Variants in NFIB observed in about 807,000 individuals in gnomAD.
NFIB encodes the protein nuclear factor I B.
In NFIB, 11 loss-of-function variants were observed where a neutral mutation model predicts 61.5. The observed-to-expected ratio is 0.18, with a 90% CI of 0.11 to 0.30. NFIB has a LOEUF of 0.30. NFIB is among the 10% of genes least tolerant of loss of function. The pLI, the probability that NFIB is intolerant of heterozygous loss-of-function variation, is 1.00. For missense variants in NFIB, 471 were observed against 608.9 expected (o/e 0.77, Z 2.38); for synonymous variants, 260 against 216.5 (o/e 1.20, Z -1.76).
intron 2 of NFIB, among the ~76,000 whole-genome samples, chr9:14,283,287 C>T (rs1203917078): frequency 1.3e-5 from 2 of 152,122 alleles, no homozygotes; most frequent in Admixed American, 6.6e-5. Context: ...TCTAGCAAAA[C>T]GCTTGTGTAT....
At chr9:14,180,002 A>C (rs909336910) in intron 2 of NFIB, among the ~76,000 whole-genome samples, 4 of 152,200 alleles carry the variant, frequency 2.6e-5, no homozygotes, top group Non-Finnish European at 5.9e-5. Context: ...GTATTGATCT[A>C]TAATTTTCTT....
chr9:14,312,294 C>A (rs2060316261), intron 1 of NFIB, among the ~76,000 whole-genome samples: 1 of 152,142 alleles, frequency 6.6e-6, no homozygotes, highest in Non-Finnish European at 1.5e-5. Flanking sequence ...ATTATTTGTC[C>A]ATTATAAAAA....
chr9:14,305,620 TCCAACA>T (rs2059977744), intron 2 of NFIB: 1 of 159,994 alleles, frequency 6.3e-6, no homozygotes, highest in African/African-American at 2.4e-5. Flanking sequence ...AAGTGCAATG[TCCAACA>T]CCATTATTTA....
At chr9:14,269,464 C>A (rs887714265) in intron 2 of NFIB, among the ~76,000 whole-genome samples, 1 of 152,192 alleles carries the variant, frequency 6.6e-6, no homozygotes, top group Non-Finnish European at 1.5e-5. Flanking sequence ...ACATCATTTT[C>A]AAAGTGCTAC....
intron 2 of NFIB, among the ~76,000 whole-genome samples, chr9:14,226,544 T>A (rs1311705836): frequency 1.4e-5 from 2 of 142,312 alleles, no homozygotes; most frequent in African/African-American, 5.2e-5. Flanking sequence ...CAAGACCCTA[T>A]CTCAGAAAAA....
intron 2 of NFIB, among the ~76,000 whole-genome samples, chr9:14,233,641 GCTGGTCTCAAA>G (rs1417758336): frequency 6.6e-6 from 1 of 152,078 alleles, no homozygotes; most frequent in Non-Finnish European, 1.5e-5. Flanking sequence ...TGTTGGCCAG[GCTGGTCTCAAA>G]CTCCTGACCT....
At position 14,254,509 on chromosome 9, in the gene NFIB, G is replaced by A. The variant is rs540786529; in HGVS notation, c.562+52480C>T. ...CATAAGCACATAAGCATGGAGACAC[G>A]CATCTTCAGGGATGTGCACTCAATA... On this transcript the variant is annotated intron_variant, in intron 2 of 10. Coordinates refer to ENST00000380953, the MANE Select transcript of NFIB (RefSeq NM_001190737.2). 9.9e-5 allele frequency among the ~76,000 whole-genome samples: 15 copies of A among 152,158 alleles called. 1 individual carries two copies. The highest frequency in any genetic ancestry group is 3.4e-4 in the African/African-American group (14 of 41,504).
chr9:14,503,953 A>G, the NFIB span, among the ~76,000 whole-genome samples: 1 of 152,186 alleles, frequency 6.6e-6, no homozygotes, highest in East Asian at 1.9e-4. Context: ...TTATGGTTTC[A>G]GGTCTTAGAT....
intron 2 of NFIB, among the ~76,000 whole-genome samples, chr9:14,215,127 TCAA>T (rs1051710745): frequency 4.0e-5 from 6 of 151,272 alleles, no homozygotes; most frequent in Non-Finnish European, 7.3e-5. Flanking sequence ...TCTGTCAAGC[TCAA>T]CAATTGGGTG....
chr9:14,435,712 G>A, the NFIB span, among the ~76,000 whole-genome samples: 1 of 152,144 alleles, frequency 6.6e-6, no homozygotes, highest in African/African-American at 2.4e-5. Flanking sequence ...AAAACAAAAT[G>A]TGAAAACAAA....
chr9:14,162,175 A>AT (rs573718906), intron 3 of NFIB, among the ~76,000 whole-genome samples: 1 of 152,056 alleles, frequency 6.6e-6, no homozygotes, highest in Non-Finnish European at 1.5e-5. Flanking sequence ...CTAGCAGGAA[A>AT]TTTTTTTCCT....
chr9:14,395,915 G>T (rs76349560), intron 1 of NFIB, among the ~76,000 whole-genome samples: 1 of 151,476 alleles, frequency 6.6e-6, no homozygotes, highest in South Asian at 2.1e-4. Context: ...GGTGGGGATC[G>T]GGCCTTTGAA....
intron 5 of NFIB, among the ~76,000 whole-genome samples, chr9:14,148,605 G>T (rs1385729698): frequency 1.3e-5 from 2 of 152,108 alleles, no homozygotes; most frequent in Non-Finnish European, 2.9e-5. Context: ...AGACACATTT[G>T]GAGAGATTCA....
At chr9:14,453,988 G>A in the NFIB span, among the ~76,000 whole-genome samples, 1 of 152,132 alleles carries the variant, frequency 6.6e-6, no homozygotes, top group East Asian at 1.9e-4. Flanking sequence ...TGAGGCAGGA[G>A]AATCGCTTGA....
the NFIB span, among the ~76,000 whole-genome samples, chr9:14,508,045 G>A: frequency 4.7e-3 from 708 of 151,116 alleles, 4 homozygotes; most frequent in Non-Finnish European, 8.3e-3. Flanking sequence ...GAAGGGACAT[G>A]AATATTAAGC....
chr9:14,119,760 G>A (rs1188253000), intron 8 of NFIB, among the ~76,000 whole-genome samples: 1 of 152,112 alleles, frequency 6.6e-6, no homozygotes, highest in African/African-American at 2.4e-5. Context: ...ACTTGATTGT[G>A]GAAAATGCTC....
chr9:14,263,259 G>T (rs1478466224), intron 2 of NFIB, among the ~76,000 whole-genome samples: 1 of 145,586 alleles, frequency 6.9e-6, no homozygotes, highest in Non-Finnish European at 1.5e-5. Context: ...TGTTTCAATG[G>T]CATTTGAATA....
At chr9:14,459,394 G>T in the NFIB span, among the ~76,000 whole-genome samples, 1 of 152,136 alleles carries the variant, frequency 6.6e-6, no homozygotes, top group African/African-American at 2.4e-5. Context: ...TTACATGTTA[G>T]ACCTAAAACC....
intron 6 of NFIB, among the ~76,000 whole-genome samples, chr9:14,139,202 G>A (rs910127299): frequency 6.6e-6 from 1 of 152,154 alleles, no homozygotes; most frequent in African/African-American, 2.4e-5. Context: ...CATTAGTTGG[G>A]ACAGGACAGC....
Sources: allele counts gnomAD v4.1 joint callset (sites outside exome capture counted in the v4.1 genomes callset), GRCh38; gene constraint gnomAD v4.1.1; transcripts MANE v1.5; gene names NCBI Gene and HGNC (gene_info 2026-07-23, HGNC 2026-07-21).